Variants in KANK1 observed in about 807,000 individuals in gnomAD.
KANK1 encodes the protein KN motif and ankyrin repeat domains 1.
A neutral mutation model predicts 106.2 loss-of-function variants in KANK1; 109 were observed. The observed-to-expected ratio is 1.03, with a 90% confidence interval of 0.88 to 1.20. KANK1 has a LOEUF of 1.20. KANK1 is among the 50% of genes most tolerant of loss of function. The pLI, the probability that KANK1 is intolerant of heterozygous loss-of-function variation, is 0.00. For synonymous variants in KANK1, 873 were observed against 652.2 expected, an observed-to-expected ratio of 1.34 and a Z score of -5.16; for missense variants, 2,399 against 1,710.7, an observed-to-expected ratio of 1.40 and a Z score of -7.10.
rs1190633202 is a variant in KANK1, at chr9:479,869, ACTGAGC to A, written c.-362+6598_-362+6603del. On this transcript the variant is annotated intron_variant, in intron 3 of 15. Coordinates refer to the KANK1 transcript ENST00000382303. ...TCCTGTCTCTACTTGCAAGAAAATAACTGAGCCCCCCCAGTAAGTATAATTGGTGCG... is the reference window on the plus strand; with the variant it reads ...TCCTGTCTCTACTTGCAAGAAAATAACCCCCCAGTAAGTATAATTGGTGCG... Among the ~76,000 whole-genome samples the A allele has an allele frequency of 1.3e-4, 20 of 151,730 alleles. No individual in the cohort carries two copies. The East Asian group carries it at 3.9e-3, about 29-fold the overall frequency.
At chr9:675,191 G>C (rs566767049) in intron 1 of KANK1, among the ~76,000 whole-genome samples, 6 of 151,986 alleles carry the variant, frequency 3.9e-5, no homozygotes, top group Non-Finnish European at 7.4e-5. Context: ...ATACAGTTTT[G>C]TTTTTCTTTT....
intron 1 of KANK1, chr9:540,408 C>G (rs1476530953): frequency 6.6e-6 from 1 of 152,108 alleles, no homozygotes; most frequent in African/African-American, 2.4e-5. Context: ...GTGTATGATC[C>G]TTTTAATGTG....
chr9:685,136 G>A (rs1388917364), intron 2 of KANK1, among the ~76,000 whole-genome samples: 1 of 152,172 alleles, frequency 6.6e-6, no homozygotes, highest in Non-Finnish European at 1.5e-5. Flanking sequence ...GTATGCTCAT[G>A]TTTTACAGGC....
intron 1 of KANK1, among the ~76,000 whole-genome samples, chr9:572,873 C>A (rs1296713276): frequency 6.6e-6 from 1 of 152,094 alleles, no homozygotes; most frequent in Non-Finnish European, 1.5e-5. Context: ...TCTTTTTGGG[C>A]TAGAAAAAGG....
intron 2 of KANK1, among the ~76,000 whole-genome samples, chr9:700,409 A>T (rs1484929041): frequency 1.3e-5 from 2 of 152,228 alleles, no homozygotes; most frequent in Non-Finnish European, 2.9e-5. Context: ...GTTCAGAAGG[A>T]CGCTGTTGTA....
intron 2 of KANK1, chr9:693,619 A>G: frequency 1.0e-6 from 1 of 985,400 alleles, no homozygotes; most frequent in Non-Finnish European, 1.2e-6. Context: ...CGTGGCCAGC[A>G]GGCTGTTAGT....
intron 1 of KANK1, among the ~76,000 whole-genome samples, chr9:594,451 G>A (rs1479231407): frequency 6.6e-6 from 1 of 151,834 alleles, no homozygotes; most frequent in African/African-American, 2.4e-5. Context: ...GATTAAAAAT[G>A]TAGGAGTTAT....
At chr9:590,864 G>A (rs1824696244) in intron 1 of KANK1, among the ~76,000 whole-genome samples, 1 of 151,754 alleles carries the variant, frequency 6.6e-6, no homozygotes. Flanking sequence ...AGGCTGCTCT[G>A]AATTATTTTC....
intron 3 of KANK1, among the ~76,000 whole-genome samples, chr9:480,082 A>C (rs1421781151): frequency 2.6e-5 from 4 of 152,228 alleles, no homozygotes; most frequent in African/African-American, 7.2e-5. Flanking sequence ...AAACACAAAA[A>C]ACACGTTCCA....
chr9:550,484 G>C (rs2641991), intron 1 of KANK1, among the ~76,000 whole-genome samples: 142,854 of 152,276 alleles, frequency 0.94, 67,065 homozygotes, highest in East Asian at 1. Flanking sequence ...GTGGCTCACA[G>C]CTATAATCCC....
chr9:669,424 T>G (rs1035295138), intron 1 of KANK1, among the ~76,000 whole-genome samples: 1 of 152,200 alleles, frequency 6.6e-6, no homozygotes, highest in African/African-American at 2.4e-5. Context: ...TCTTAGCTTT[T>G]GTTTGTCAGA....
rs959150551 is a variant in KANK1 at position 745,784 on chromosome 9, A to C, written c.*549A>C. 24 of 152,612 alleles carry C rather than the reference A, an allele frequency of 1.6e-4. 1 individual carries two copies. The highest frequency in any genetic ancestry group is 1.4e-3 in the Admixed American group (21 of 15,278). 9.5% of individuals were successfully genotyped at this position (152,612 alleles called of 1,614,324 possible). A position where few individuals can be genotyped will look rare whatever the true frequency, so the allele number is the denominator to read the frequency against. On this transcript the variant is annotated 3_prime_UTR_variant, in exon 12 of 12. Coordinates refer to ENST00000382297, the MANE Select transcript of KANK1 (RefSeq NM_015158.5). ...TATTCTCATTTGGTCTTAACTAGGTAGATGTAATATATGACTTTTTATAAA... is the reference window on the plus strand; with the variant it reads ...TATTCTCATTTGGTCTTAACTAGGTCGATGTAATATATGACTTTTTATAAA...
At chr9:733,300 A>T (rs1000441563) in intron 6 of KANK1, 1 of 152,248 alleles carries the variant, frequency 6.6e-6, no homozygotes, top group Non-Finnish European at 1.5e-5. Flanking sequence ...ATATAAATAG[A>T]ACATTTCAGA....
At chr9:543,559 CA>C (rs57776331) in intron 1 of KANK1, among the ~76,000 whole-genome samples, 1,621 of 120,410 alleles carry the variant, frequency 0.013, 34 homozygotes, top group African/African-American at 0.04. Context: ...AACTCTGTCT[CA>C]AAAAAAAAAA....
intron 2 of KANK1, 83 bp downstream of exon 2, chr9:677,092 T>C (rs1439796666): frequency 1.6e-6 from 2 of 1,248,546 alleles, no homozygotes; most frequent in Non-Finnish European, 2.3e-6. Context: ...AATGAACGGA[T>C]AATAGCAAGT....
At chr9:731,993 T>C (rs1258670719) in intron 5 of KANK1, 1 of 166,232 alleles carries the variant, frequency 6.0e-6, no homozygotes, top group East Asian at 1.6e-4. Context: ...CGATTGCCTA[T>C]GTAATCTATT....
Position 732,474 on chromosome 9 carries a change from A to G in KANK1, c.3102A>G (p.Glu1034=), listed in dbSNP as rs374061420. Residue 1034 remains glutamate (E), a synonymous_variant, in exon 6 of 12, where the codon GAA becomes GAG. Transcript: ENST00000382297. ...ATGTCATTGAGTATCCTCTTGAAGA[A>G]GAGGAGGAGGAGGAGGATGAAGACA... The part of the protein sequence containing the change: ...ECDVIEYPLE[E]EEEEEDEDTR... The G allele has an allele frequency of 1.0e-4, 163 of 1,612,540 alleles. No homozygotes were observed. Among genetic ancestry groups the G allele is most frequent in the African/African-American group, 4.9e-4 (37 of 74,982 alleles).
chr9:720,680 G>A (rs1433270763), intron 3 of KANK1, among the ~76,000 whole-genome samples: 5 of 152,112 alleles, frequency 3.3e-5, no homozygotes, highest in Non-Finnish European at 5.9e-5. Flanking sequence ...CCTCAGAGAC[G>A]GGGTTTCATT....
In KANK1 at chr9:745,478, C is replaced by G; in HGVS notation, c.*243C>G. The G allele has an allele frequency of 4.7e-6, 2 of 427,942 alleles. No individual in the cohort carries two copies. Among genetic ancestry groups the G allele is most frequent in the South Asian group, 6.1e-5 (2 of 32,946 alleles). The allele number at this position is 427,942 out of a possible 1,614,324, so 26.5% of individuals were successfully genotyped here. On this transcript the variant is annotated 3_prime_UTR_variant, in exon 12 of 12. Transcript: ENST00000382297. ...AACCCAGTCTCTGTTGCTGTTGAGT[C>G]TCTGCTCCGTTTTGTACAGTCACAG...
Sources: gnomAD v4.1 joint callset for allele counts (sites outside exome capture counted in the v4.1 genomes callset) on GRCh38, gnomAD v4.1.1 for gene constraint, MANE v1.5 for transcripts, NCBI Gene and HGNC (gene_info 2026-07-23, HGNC 2026-07-21) for gene names.